The following ADORA2B variants were observed in gnomAD, a reference collection of about 807,000 sequenced individuals.
ADORA2B encodes the protein adenosine receptor A2b.
A neutral mutation model predicts 20.8 loss-of-function variants in ADORA2B; 18 were observed. The ratio of observed to expected loss-of-function variants is 0.87; its 90% confidence interval spans 0.60 to 1.29. ADORA2B has a LOEUF of 1.29. ADORA2B is among the 50% of genes most tolerant of loss of function. The probability of loss-of-function intolerance (pLI) is 0.00; values close to 1 mark genes in which losing one functional copy is unlikely to be tolerated. For synonymous variants in ADORA2B, 179 were observed against 178.3 expected (o/e 1.00, Z -0.03); for missense variants, 441 against 422.7 (o/e 1.04, Z -0.38).
the ADORA2B span, among the ~76,000 whole-genome samples, chr17:15,870,948 T>A: frequency 4.6e-5 from 7 of 152,250 alleles, no homozygotes; most frequent in Admixed American, 3.3e-4. Flanking sequence ...TCCCTGCTTC[T>A]GTGCCGTTTC....
the ADORA2B span, among the ~76,000 whole-genome samples, chr17:15,922,056 T>A: frequency 6.6e-6 from 1 of 152,182 alleles, no homozygotes; most frequent in Non-Finnish European, 1.5e-5. Context: ...GTTTATATAC[T>A]TTTTCATCTT....
At chr17:15,901,349 C>G in the ADORA2B span, among the ~76,000 whole-genome samples, 1 of 151,950 alleles carries the variant, frequency 6.6e-6, no homozygotes, top group African/African-American at 2.4e-5. Context: ...CCTGTAATCC[C>G]AGCTACTCAG....
intron 1 of ADORA2B, among the ~76,000 whole-genome samples, chr17:15,959,868 T>C (rs1970013918): frequency 6.6e-6 from 1 of 152,226 alleles, no homozygotes; most frequent in African/African-American, 2.4e-5. Flanking sequence ...AATCATATCT[T>C]TATAGTTGTT....
At chr17:15,867,429 C>T in the ADORA2B span, among the ~76,000 whole-genome samples, 120 of 151,000 alleles carry the variant, frequency 7.9e-4, no homozygotes, top group Non-Finnish European at 1.3e-3. Context: ...TGTCTCTGCC[C>T]GGCCGCCCCA....
At chr17:15,906,271 A>T in the ADORA2B span, among the ~76,000 whole-genome samples, 1 of 152,226 alleles carries the variant, frequency 6.6e-6, no homozygotes, top group Admixed American at 6.5e-5. Flanking sequence ...TTATTAGGCA[A>T]AAGAAGTTCT....
the ADORA2B span, among the ~76,000 whole-genome samples, chr17:15,930,492 C>T: frequency 8.5e-5 from 13 of 152,144 alleles, no homozygotes; most frequent in Middle Eastern, 3.4e-3. Flanking sequence ...TACAGGGTTT[C>T]GCTGTATTGG....
chr17:15,857,868 T>C, the ADORA2B span, among the ~76,000 whole-genome samples: 254 of 152,150 alleles, frequency 1.7e-3, no homozygotes, highest in African/African-American at 6.0e-3. Flanking sequence ...CCGGCTTCTT[T>C]GACTTAGCAT....
At chr17:15,894,761 A>T in the ADORA2B span, among the ~76,000 whole-genome samples, 1 of 152,218 alleles carries the variant, frequency 6.6e-6, no homozygotes, top group African/African-American at 2.4e-5. Flanking sequence ...TGAGATGGGG[A>T]GGGCATAGAT....
chr17:15,970,261 T>A (rs1332345237), intron 1 of ADORA2B, among the ~76,000 whole-genome samples: 1 of 151,372 alleles, frequency 6.6e-6, no homozygotes, highest in Admixed American at 6.6e-5. Flanking sequence ...CAGGGAAGAG[T>A]GGTGGTGATG....
At chr17:15,900,458 A>T in the ADORA2B span, among the ~76,000 whole-genome samples, 2 of 150,748 alleles carry the variant, frequency 1.3e-5, no homozygotes, top group Non-Finnish European at 3.0e-5. Context: ...TTTATTTTTT[A>T]TTTTTTTGAC....
the ADORA2B span, among the ~76,000 whole-genome samples, chr17:15,923,032 CT>C: frequency 1.3e-5 from 2 of 149,100 alleles, no homozygotes; most frequent in Admixed American, 6.7e-5. Context: ...TTCTTTTTTT[CT>C]TTTTTTTGAG....
At chr17:15,922,721 G>T in the ADORA2B span, among the ~76,000 whole-genome samples, 1 of 152,292 alleles carries the variant, frequency 6.6e-6, no homozygotes, top group East Asian at 1.9e-4. Context: ...TATACTTGCT[G>T]GGTCAAAGAG....
Position 15,975,421 on chromosome 17 carries a change from G to GA in ADORA2B, c.*80dup. Reference sequence around the variant, plus strand: ...GACACGGCTGGTTTTCATTGTGAAAGATAGCTACACCTCACAAGGAAATGG... The same window carrying GA: ...GACACGGCTGGTTTTCATTGTGAAAGAATAGCTACACCTCACAAGGAAATGG... On this transcript the variant is annotated 3_prime_UTR_variant, in exon 2 of 2. Transcript: ENST00000304222. 2 of 1,439,422 alleles carry GA rather than the reference G, an allele frequency of 1.4e-6. No individual in the cohort carries two copies. Among genetic ancestry groups the GA allele is most frequent in the Non-Finnish European group, 1.9e-6 (2 of 1,060,280 alleles). 89.2% of individuals were successfully genotyped at this position (1,439,422 alleles called of 1,614,324 possible).
the ADORA2B span, chr17:15,908,453 G>C: frequency 6.5e-6 from 1 of 153,500 alleles, no homozygotes; most frequent in Non-Finnish European, 1.5e-5. Flanking sequence ...TCCAGGCAGC[G>C]TAAGACCTAA....
At chr17:15,883,358 CTG>C in the ADORA2B span, among the ~76,000 whole-genome samples, 1 of 152,194 alleles carries the variant, frequency 6.6e-6, no homozygotes, top group African/African-American at 2.4e-5. Flanking sequence ...TTTTCTAAAA[CTG>C]TGTATTAACT....
intron 1 of ADORA2B, among the ~76,000 whole-genome samples, chr17:15,949,271 G>T (rs1450085236): frequency 6.6e-6 from 1 of 152,114 alleles, no homozygotes; most frequent in Non-Finnish European, 1.5e-5. Context: ...CCAGTGCTTT[G>T]GGAGGCCAAG....
chr17:15,944,122 G>A (rs1449004338), upstream of ADORA2B, among the ~76,000 whole-genome samples: 3 of 152,182 alleles, frequency 2.0e-5, no homozygotes, highest in African/African-American at 7.2e-5. This position sits in a 1 kb window ranked among gnomAD's most constrained non-coding sequence, Gnocchi z 4.8. Context: ...AAGGCTCAGG[G>A]TGTCAGCAAA....
chr17:15,933,177 A>G, the ADORA2B span, among the ~76,000 whole-genome samples: 2 of 152,130 alleles, frequency 1.3e-5, no homozygotes, highest in Non-Finnish European at 2.9e-5. Flanking sequence ...GGATGGTCCC[A>G]ATCTCCTGAC....
the ADORA2B span, among the ~76,000 whole-genome samples, chr17:15,925,092 G>C: frequency 4.2e-3 from 632 of 152,218 alleles, 8 homozygotes; most frequent in African/African-American, 0.014. Flanking sequence ...CTGGAGTGCA[G>C]TGGCACGATC....
Sources: gnomAD v4.1 joint callset for allele counts (sites outside exome capture counted in the v4.1 genomes callset) on GRCh38, gnomAD v4.1.1 for gene constraint, Gnocchi (gnomAD v3.1) non-coding constraint, MANE v1.5 for transcripts, NCBI Gene and HGNC (gene_info 2026-07-23, HGNC 2026-07-21) for gene names.